MYH9: variants seen among roughly 807,000 people sequenced by gnomAD.
MYH9 encodes myosin-9.
Under a neutral mutation model 241.9 loss-of-function variants are expected in MYH9, and 29 were observed. The ratio of observed to expected loss-of-function variants is 0.12; its 90% CI spans 0.09 to 0.16. MYH9 has a LOEUF of 0.16. MYH9 is among the 10% of genes least tolerant of loss of function. The pLI is 1.00. For synonymous variants in MYH9, 1,047 were observed against 1,062.6 expected (o/e 0.99, Z 0.29); for missense variants, 1,803 against 2,595.5 (o/e 0.69, Z 6.63).
rs371596782 is a variant in MYH9, at chr22:36,344,226, C to G, written c.334-2700G>C. On this transcript the variant is annotated intron_variant, in intron 2 of 40. Transcript: ENST00000216181. The stretch of plus-strand genomic sequence containing the variant: ...TCGAGCAAGCGGCTTCGCGCCCACG[C>G]GGCGCGGCCACGACACGGCGCTGCT... Among the ~76,000 whole-genome samples, 8 of 152,376 alleles carry G rather than the reference C, an allele frequency of 5.3e-5. No individual in the cohort carries two copies. The East Asian group carries it at 1.5e-3, about 29-fold the overall frequency.
chr22:36,322,403 A>G, intron 6 of MYH9, 26 bp downstream of exon 6: 2 of 1,612,280 alleles, frequency 1.2e-6, no homozygotes. Context: ...CTGTCCCCAG[A>G]GCCGGGGCGC....
chr22:36,357,381 C>T (rs970053434), intron 1 of MYH9, among the ~76,000 whole-genome samples: 9 of 152,132 alleles, frequency 5.9e-5, no homozygotes, highest in African/African-American at 7.2e-5. Flanking sequence ...ACATACAAAA[C>T]GATGCCACGG....
Position 36,329,422 on chromosome 22 carries a change from G to A in MYH9, c.491-1934C>T, listed in dbSNP as rs541575370. 1.3e-5 allele frequency among the ~76,000 whole-genome samples: 2 copies of A among 152,242 alleles called. No homozygotes were observed. Among genetic ancestry groups the A allele is most frequent in the South Asian group, 4.2e-4 (2 of 4,818 alleles). ...AGCAATTTCATTGCTGGCCCCTAACGACAGTGTGGCAACCGATAAGGGTTT... is the reference window on the plus strand; with the variant it reads ...AGCAATTTCATTGCTGGCCCCTAACAACAGTGTGGCAACCGATAAGGGTTT... On this transcript the variant is annotated intron_variant, in intron 3 of 40. Transcript: ENST00000216181. The surrounding 1 kb of genome is among the most constrained non-coding windows in gnomAD (Gnocchi z 4.1).
At chr22:36,352,651 G>A (rs574210510) in intron 1 of MYH9, among the ~76,000 whole-genome samples, 1 of 152,314 alleles carries the variant, frequency 6.6e-6, no homozygotes, top group East Asian at 1.9e-4. Flanking sequence ...GGGAGGGCAG[G>A]GGACAGTCAC....
At chr22:36,341,668 C>CA in intron 2 of MYH9, 142 bp from the exon 3 acceptor site, 1 of 917,570 alleles carries the variant, frequency 1.1e-6, no homozygotes, top group Non-Finnish European at 1.7e-6. Context: ...CCCTTGCTCC[C>CA]AGTGGCCCAG....
At chr22:36,301,740 C>T in intron 20 of MYH9, 75 bp from the exon 21 acceptor site, 2 of 1,582,328 alleles carry the variant, frequency 1.3e-6, no homozygotes, top group South Asian at 2.2e-5. Flanking sequence ...TGAGGCCTCT[C>T]CCTCACCTCT....
At chr22:36,346,735 G>A (rs748377733) in intron 2 of MYH9, among the ~76,000 whole-genome samples, 1 of 152,078 alleles carries the variant, frequency 6.6e-6, no homozygotes, top group African/African-American at 2.4e-5. Context: ...CTAAGAAATA[G>A]CTGGGACTAT....
At chr22:36,371,526 AT>A (rs1307701815) in intron 1 of MYH9, among the ~76,000 whole-genome samples, 6 of 151,578 alleles carry the variant, frequency 4.0e-5, no homozygotes, top group Admixed American at 2.6e-4. Flanking sequence ...AGCCTGAGCA[AT>A]TTTTTTTTAT....
Position 36,302,552 on chromosome 22 carries a change from C to T in MYH9, c.2499+16G>A, listed in dbSNP as rs1311875600. The T allele has an allele frequency of 1.2e-6, 2 of 1,607,398 alleles. No homozygotes were observed. Among genetic ancestry groups the T allele is most frequent in the Non-Finnish European group, 1.7e-6 (2 of 1,175,960 alleles). ...CCCGTAGTCCCAGCTACTCAGGAGG[C>T]CCTTCTAGCACGCACCTTGGTGAAG... On this transcript the variant is annotated intron_variant, in intron 20 of 40. Coordinates refer to ENST00000216181, the MANE Select transcript of MYH9 (RefSeq NM_002473.6).
In MYH9 at chr22:36,329,664, C is replaced by G. The variant is rs1447104257; in HGVS notation, c.491-2176G>C. 6.6e-6 allele frequency among the ~76,000 whole-genome samples: 1 copy of G among 152,158 alleles called. No individual in the cohort carries two copies. The highest frequency in any genetic ancestry group is 2.4e-5 in the African/African-American group (1 of 41,442). ...AGGAACCGTTTTCCCAGGGCTGTCC[C>G]TAGGATGGCTGGAATTCCTCTAATT... On this transcript the variant is annotated intron_variant, in intron 3 of 40. Transcript: ENST00000216181. The surrounding 1 kb of genome is among the most constrained non-coding windows in gnomAD (Gnocchi z 4.1).
chr22:36,326,328 C>T (rs1265710418), intron 5 of MYH9, among the ~76,000 whole-genome samples: 2 of 152,230 alleles, frequency 1.3e-5, no homozygotes, highest in Non-Finnish European at 2.9e-5. Flanking sequence ...AACTCCAGGA[C>T]CTCGCCAGTT....
chr22:36,290,225 G>C (rs1014489833), intron 31 of MYH9, among the ~76,000 whole-genome samples: 9 of 151,670 alleles, frequency 5.9e-5, no homozygotes, highest in African/African-American at 1.5e-4. Flanking sequence ...AGCTGGGTGT[G>C]GTGGTGGTGC....
chr22:36,382,120 G>C lies in MYH9; in HGVS notation c.-20+5687C>G, dbSNP rs115168017. Among the ~76,000 whole-genome samples, 1,505 of 151,912 alleles carry C rather than the reference G, an allele frequency of 9.9e-3. 23 individuals carry two copies. Among genetic ancestry groups the C allele is most frequent in the African/African-American group, 0.034 (1,417 of 41,420 alleles). Reference sequence around the variant, plus strand: ...TGGGATTACAGATGTGAGCCACCATGCCCAGCCCCAAACGACCTTCTAAAA... The same window carrying C: ...TGGGATTACAGATGTGAGCCACCATCCCCAGCCCCAAACGACCTTCTAAAA... On this transcript the variant is annotated intron_variant, in intron 1 of 40. Transcript: ENST00000216181.
Position 36,282,016 on chromosome 22 carries a change from G to C in MYH9, c.*652C>G, listed in dbSNP as rs909839945. ...TTGCACTTGAGACATTTTAGAATCA[G>C]GAGGGAGACAGCGGACAGTGGCGCT... is the stretch of plus-strand genomic sequence containing the variant. On this transcript the variant is annotated 3_prime_UTR_variant, in exon 41 of 41. Coordinates refer to ENST00000216181, the MANE Select transcript of MYH9 (RefSeq NM_002473.6). 4.3e-6 allele frequency: 1 copy of C among 234,064 alleles called. No individual in the cohort carries two copies. The highest frequency in any genetic ancestry group is 2.2e-5 in the African/African-American group (1 of 45,316). 14.5% of individuals were successfully genotyped at this position (234,064 alleles called of 1,614,324 possible).
At chr22:36,324,179 G>C (rs1053211319) in intron 5 of MYH9, among the ~76,000 whole-genome samples, 1 of 152,276 alleles carries the variant, frequency 6.6e-6, no homozygotes, top group Non-Finnish European at 1.5e-5. Flanking sequence ...GCCGTGGAAA[G>C]TGGGGCCGCG....
chr22:36,363,770 A>G (rs136213), intron 1 of MYH9, among the ~76,000 whole-genome samples: 93,679 of 151,988 alleles, frequency 0.62, 29,699 homozygotes, highest in Middle Eastern at 0.71. Flanking sequence ...CCTTTGACTC[A>G]CCCCCAGGTT....
chr22:36,297,119 G>A, intron 24 of MYH9, 105 bp from the exon 25 acceptor site: 3 of 1,329,692 alleles, frequency 2.3e-6, no homozygotes, highest in Non-Finnish European at 2.1e-6. Context: ...CGTGTGTCAG[G>A]CTTAAAGCAT....
intron 2 of MYH9, among the ~76,000 whole-genome samples, chr22:36,345,419 C>G (rs1223568441): frequency 6.6e-6 from 1 of 151,604 alleles, no homozygotes; most frequent in Non-Finnish European, 1.5e-5. Context: ...GGATTTGAAC[C>G]AGGTCCTCGA....
At chr22:36,292,934 C>T (rs2016729616) in intron 30 of MYH9, among the ~76,000 whole-genome samples, 1 of 152,208 alleles carries the variant, frequency 6.6e-6, no homozygotes, top group Non-Finnish European at 1.5e-5. Context: ...CATCAGATAA[C>T]AAACAGCGCA....
Sources: gnomAD v4.1 joint callset for allele counts (sites outside exome capture counted in the v4.1 genomes callset) on GRCh38, gnomAD v4.1.1 for gene constraint, Gnocchi (gnomAD v3.1) non-coding constraint, MANE v1.5 for transcripts, NCBI Gene and HGNC (gene_info 2026-07-23, HGNC 2026-07-21) for gene names.